Variants in SOX5 observed in about 807,000 individuals in gnomAD.
The protein encoded by SOX5 is SRY-box transcription factor 5.
Under a neutral mutation model 92.0 loss-of-function variants are expected in SOX5, and 9 were observed. That is an observed-to-expected ratio of 0.10 (90% CI 0.06 to 0.17). SOX5 has a LOEUF of 0.17. SOX5 is among the 10% of genes least tolerant of loss of function. SOX5 has a pLI of 1.00. For synonymous variants in SOX5, 344 were observed against 336.3 expected, an observed-to-expected ratio of 1.02 and a Z score of -0.25; for missense variants, 642 against 944.5, an observed-to-expected ratio of 0.68 and a Z score of 4.20.
In SOX5 at chr12:23,605,803, T is replaced by C. The variant is rs1451415230; in HGVS notation, c.1018-1270A>G. ...ACATAAGTCTCCAGATACTATAACC[T>C]AAATAAAAATACATTAAAGTTATCG... On this transcript the variant is annotated intron_variant, in intron 8 of 14. Transcript: ENST00000451604. 2.6e-5 allele frequency among the ~76,000 whole-genome samples: 4 copies of C among 152,114 alleles called. No individual in the cohort carries two copies. In the East Asian group the frequency reaches 7.7e-4, roughly 29 times the overall value.
rs543997891 is a variant in SOX5, at chr12:23,978,538, T to C, written c.-1-82514A>G. Among the ~76,000 whole-genome samples, 31 of 152,322 alleles carry C rather than the reference T, an allele frequency of 2.0e-4. No homozygotes were observed. In the South Asian group the frequency reaches 6.0e-3, roughly 29 times the overall value. ...TTTCTAAGCTGTTCAATGCACCTTA[T>C]AATCATTATGCAGTCCTTCGTCACA... On this transcript the variant is annotated intron_variant, in intron 4 of 4. Transcript: ENST00000446891.
At chr12:23,838,911 C>T (rs1369485790) in intron 3 of SOX5, among the ~76,000 whole-genome samples, 1 of 148,282 alleles carries the variant, frequency 6.7e-6, no homozygotes, top group Non-Finnish European at 1.5e-5. Context: ...ACCATCTTGG[C>T]TCACTGCAAC....
chr12:24,189,538 TGG>T (rs1956323639), intron 4 of SOX5, among the ~76,000 whole-genome samples: 1 of 152,180 alleles, frequency 6.6e-6, no homozygotes, highest in African/African-American at 2.4e-5. Context: ...AAGTCTCATC[TGG>T]GAGGTCTCAT....
chr12:24,300,646 C>T (rs1203331443), intron 2 of SOX5, among the ~76,000 whole-genome samples: 3 of 151,922 alleles, frequency 2.0e-5, no homozygotes, highest in African/African-American at 7.3e-5. Context: ...GGAAGCCATC[C>T]AGTAATAGTT....
At chr12:23,623,797 T>C (rs2077447951) in intron 8 of SOX5, among the ~76,000 whole-genome samples, 1 of 152,014 alleles carries the variant, frequency 6.6e-6, no homozygotes, top group Non-Finnish European at 1.5e-5. Context: ...AAAAGAAACA[T>C]ACAATTACCA....
In SOX5 at chr12:23,833,804, G is replaced by A. The variant is rs74067947; in HGVS notation, c.481+12179C>T. 5.1e-3 allele frequency among the ~76,000 whole-genome samples: 780 copies of A among 152,026 alleles called. 8 individuals carry two copies. The highest frequency in any genetic ancestry group is 0.017 in the African/African-American group (696 of 41,512). ...GAAGATGGAATAAATGAGTCAAATA[G>A]GGAAGGAGGTAAAAGAAGAGTGTGA... On this transcript the variant is annotated intron_variant, in intron 3 of 14. Coordinates refer to ENST00000451604, the MANE Select transcript of SOX5 (RefSeq NM_006940.6).
intron 2 of SOX5, among the ~76,000 whole-genome samples, chr12:24,362,743 CTAACTCAATACTT>C (rs1955721152): frequency 1.3e-5 from 2 of 151,894 alleles, no homozygotes; most frequent in African/African-American, 4.8e-5. Context: ...CCTTTCCCCT[CTAACTCAATACTT>C]TAGATGAGTT....
In SOX5 at chr12:24,536,130, C is replaced by T. The variant is rs74681054; in HGVS notation, c.-251+26199G>A. Among the ~76,000 whole-genome samples, 641 of 152,242 alleles carry T rather than the reference C, an allele frequency of 4.2e-3. 1 individual carries two copies. The highest frequency in any genetic ancestry group is 6.4e-3 in the Non-Finnish European group (433 of 68,016). ...AAGATAGAGGTGAGCTCCGTAGCTC[C>T]CCACTGAGGTGACTATTTGTCATGA... is the stretch of plus-strand genomic sequence containing the variant. On this transcript the variant is annotated intron_variant, in intron 1 of 4. Transcript: ENST00000446891.
chr12:23,786,825 G>A (rs1461063663), intron 3 of SOX5, among the ~76,000 whole-genome samples: 1 of 145,730 alleles, frequency 6.9e-6, no homozygotes, highest in Non-Finnish European at 1.5e-5. Flanking sequence ...TGATTTTGGA[G>A]AAAAGTTATA....
chr12:24,441,989 A>T (rs1940686294), intron 1 of SOX5, among the ~76,000 whole-genome samples: 2 of 152,242 alleles, frequency 1.3e-5, no homozygotes, highest in African/African-American at 4.8e-5. Flanking sequence ...GAAACTTAAA[A>T]CAGTGGAGTA....
intron 9 of SOX5, among the ~76,000 whole-genome samples, chr12:23,578,327 C>A (rs1025396841): frequency 6.7e-6 from 1 of 149,490 alleles, no homozygotes; most frequent in Non-Finnish European, 1.5e-5. Context: ...CATAAGCACA[C>A]CTGGGAACTT....
intron 4 of SOX5, among the ~76,000 whole-genome samples, chr12:24,144,867 A>T (rs1427803147): frequency 6.6e-6 from 1 of 152,020 alleles, no homozygotes; most frequent in Non-Finnish European, 1.5e-5. Context: ...TACAAGGGGA[A>T]AAATGGAAAT....
At chr12:23,706,323 A>T (rs552989587) in intron 6 of SOX5, among the ~76,000 whole-genome samples, 41 of 152,218 alleles carry the variant, frequency 2.7e-4, no homozygotes, top group African/African-American at 8.9e-4. Context: ...CTAAGAACCA[A>T]ATGTTATTAG....
At chr12:23,641,277 AACTT>A (rs1201307464) in intron 7 of SOX5, among the ~76,000 whole-genome samples, 3 of 152,186 alleles carry the variant, frequency 2.0e-5, no homozygotes, top group Non-Finnish European at 2.9e-5. Context: ...AAAGGAACTT[AACTT>A]ACTTTTATTT....
chr12:24,460,822 T>C (rs1417298353), intron 1 of SOX5: 1 of 152,170 alleles, frequency 6.6e-6, no homozygotes, highest in Non-Finnish European at 1.5e-5. Context: ...ACAGCTCCTT[T>C]GTGGTAGTTT....
intron 2 of SOX5, among the ~76,000 whole-genome samples, chr12:24,339,511 T>C (rs1952332665): frequency 6.6e-6 from 1 of 152,104 alleles, no homozygotes; most frequent in Non-Finnish European, 1.5e-5. Flanking sequence ...CTGTAAGCCT[T>C]GTTAGAGATT....
At chr12:24,345,252 T>G (rs1487782950) in intron 2 of SOX5, among the ~76,000 whole-genome samples, 1 of 152,224 alleles carries the variant, frequency 6.6e-6, no homozygotes, top group Non-Finnish European at 1.5e-5. Flanking sequence ...TGGAACAGAA[T>G]GCAAAATTCA....
intron 4 of SOX5, among the ~76,000 whole-genome samples, chr12:24,091,969 C>A (rs1359560043): frequency 1.3e-5 from 2 of 152,324 alleles, no homozygotes; most frequent in East Asian, 3.9e-4. Context: ...ACCTATCCAG[C>A]CTCTGCCTAG....
At chr12:23,705,785 T>C (rs1287675248) in intron 6 of SOX5, among the ~76,000 whole-genome samples, 1 of 152,044 alleles carries the variant, frequency 6.6e-6, no homozygotes, top group Non-Finnish European at 1.5e-5. Flanking sequence ...GGAGCTCGTT[T>C]AAATGATTCT....
Sources: gnomAD v4.1 joint callset for allele counts (sites outside exome capture counted in the v4.1 genomes callset) on GRCh38, gnomAD v4.1.1 for gene constraint, MANE v1.5 for transcripts, NCBI Gene and HGNC (gene_info 2026-07-23, HGNC 2026-07-21) for gene names.